TENM4: variants seen among roughly 807,000 people sequenced by gnomAD.
TENM4 encodes teneurin transmembrane protein 4, also known as teneurin-4.
Under a neutral mutation model 243.3 loss-of-function variants are expected in TENM4, and 82 were observed. The ratio of observed to expected loss-of-function variants is 0.34; its 90% CI spans 0.28 to 0.40. TENM4 has a LOEUF of 0.40. Among genes scored for constraint, TENM4 ranks in the 10% least tolerant of loss-of-function variants. The pLI, the probability that TENM4 is intolerant of heterozygous loss-of-function variation, is 1.00. For synonymous variants in TENM4, 1,412 were observed against 1,456.3 expected (o/e 0.97, Z 0.69); for missense variants, 3,138 against 3,673.3 (o/e 0.85, Z 3.77).
intron 6 of TENM4, among the ~76,000 whole-genome samples, chr11:78,954,196 G>A (rs1857162898): frequency 1.3e-5 from 2 of 152,200 alleles, no homozygotes; most frequent in South Asian, 4.1e-4. Context: ...TGATGACAGG[G>A]GCAGAGGGCA....
chr11:78,965,679 GTCCCTGTCTCT>G (rs1857424893), intron 6 of TENM4, among the ~76,000 whole-genome samples: 2 of 152,190 alleles, frequency 1.3e-5, no homozygotes, highest in Admixed American at 1.3e-4. Flanking sequence ...CCCAGGCCTC[GTCCCTGTCTCT>G]TCTTTCTCCT....
chr11:78,713,135 A>G (rs1258069267), intron 25 of TENM4, among the ~76,000 whole-genome samples: 4 of 152,208 alleles, frequency 2.6e-5, no homozygotes, highest in Non-Finnish European at 4.4e-5. Context: ...TCAAGAGTTC[A>G]AAAACACAAG....
intron 1 of TENM4, among the ~76,000 whole-genome samples, chr11:79,349,561 G>A (rs1177952144): frequency 6.6e-6 from 1 of 152,130 alleles, no homozygotes; most frequent in African/African-American, 2.4e-5. Flanking sequence ...AGGTGCCAGA[G>A]GTTTTGCAGT....
intron 2 of TENM4, among the ~76,000 whole-genome samples, chr11:79,265,324 G>A (rs909220181): frequency 1.3e-5 from 2 of 152,134 alleles, no homozygotes; most frequent in African/African-American, 4.8e-5. Context: ...AAGACTTTAG[G>A]AGTCTAGGCC....
chr11:79,134,370 T>A (rs967166894), intron 4 of TENM4, among the ~76,000 whole-genome samples: 2 of 152,152 alleles, frequency 1.3e-5, no homozygotes, highest in African/African-American at 4.8e-5. Flanking sequence ...TGGAAACACA[T>A]TCCATGCTCA....
At chr11:79,439,573 C>T (rs1209353120) in intron 1 of TENM4, among the ~76,000 whole-genome samples, 2 of 151,834 alleles carry the variant, frequency 1.3e-5, no homozygotes, top group Non-Finnish European at 2.9e-5. Context: ...CTAACTCGCC[C>T]GACCCCCCCG....
intron 1 of TENM4, among the ~76,000 whole-genome samples, chr11:79,423,554 T>C (rs1039257775): frequency 2.3e-4 from 32 of 139,964 alleles, no homozygotes; most frequent in African/African-American, 8.3e-4. Context: ...TTTTTTTTTT[T>C]TTTTGCAAGG....
chr11:78,800,612 G>A (rs116037893), intron 15 of TENM4, among the ~76,000 whole-genome samples: 1,637 of 152,184 alleles, frequency 0.011, 28 homozygotes, highest in African/African-American at 0.037. Flanking sequence ...TTTCCAGGGG[G>A]CTCTTTTTCT....
At chr11:79,293,757 G>GA (rs375782402) in intron 2 of TENM4, among the ~76,000 whole-genome samples, 96 of 152,318 alleles carry the variant, frequency 6.3e-4, no homozygotes, top group African/African-American at 2.2e-3. Flanking sequence ...GCAGGACTCT[G>GA]ATGCTCAATG....
At chr11:78,846,017 ATC>A (rs1858384863) in intron 12 of TENM4, among the ~76,000 whole-genome samples, 1 of 152,170 alleles carries the variant, frequency 6.6e-6, no homozygotes, top group East Asian at 1.9e-4. Flanking sequence ...CTAAGACCCT[ATC>A]TGTCTTGCTG....
intron 1 of TENM4, among the ~76,000 whole-genome samples, chr11:79,315,626 A>C (rs997486518): frequency 1.3e-5 from 2 of 152,188 alleles, no homozygotes; most frequent in Non-Finnish European, 2.9e-5. Context: ...GACATGCAGA[A>C]TCGTGGGTCC....
intron 6 of TENM4, among the ~76,000 whole-genome samples, chr11:78,926,546 A>G (rs1565129206): frequency 6.6e-6 from 1 of 152,164 alleles, no homozygotes; most frequent in Non-Finnish European, 1.5e-5. Flanking sequence ...TGATGGGATT[A>G]CAGGCATGAA....
chr11:78,932,152 G>A (rs752674318), intron 6 of TENM4, among the ~76,000 whole-genome samples: 2 of 152,242 alleles, frequency 1.3e-5, no homozygotes, highest in Non-Finnish European at 2.9e-5. Context: ...GGCATTGCTA[G>A]AGGACGTTCT....
At chr11:78,864,947 G>T (rs113156243) in intron 9 of TENM4, among the ~76,000 whole-genome samples, 2,376 of 152,254 alleles carry the variant, frequency 0.016, 43 homozygotes, top group African/African-American at 0.053. Flanking sequence ...GACCCGCTAG[G>T]GGGGCTAGAA....
chr11:78,922,891 A>C (rs1856475961), intron 6 of TENM4, among the ~76,000 whole-genome samples: 1 of 152,216 alleles, frequency 6.6e-6, no homozygotes, highest in African/African-American at 2.4e-5. Context: ...GCCTCCAGCC[A>C]GTGCTCAAGA....
intron 1 of TENM4, among the ~76,000 whole-genome samples, chr11:79,435,020 A>G (rs2135621385): frequency 6.6e-6 from 1 of 152,312 alleles, no homozygotes; most frequent in Admixed American, 6.5e-5. Context: ...CCGTAGGAGG[A>G]AAAGAGAGCA....
intron 1 of TENM4, among the ~76,000 whole-genome samples, chr11:79,432,944 T>C (rs1343705011): frequency 1.3e-5 from 2 of 152,176 alleles, no homozygotes; most frequent in African/African-American, 4.8e-5. Flanking sequence ...CAGAAAGCAT[T>C]GAGTATGTGT....
At chr11:78,873,811 C>T (rs1859196454) in intron 9 of TENM4, among the ~76,000 whole-genome samples, 1 of 152,130 alleles carries the variant, frequency 6.6e-6, no homozygotes, top group African/African-American at 2.4e-5. Flanking sequence ...CTACTTCTGC[C>T]TGCTCAGGAG....
At chr11:79,409,083 TGTGTGTGTGTGTGTGTGTGCGC>T (rs1462739656) in intron 1 of TENM4, among the ~76,000 whole-genome samples, 3 of 117,874 alleles carry the variant, frequency 2.5e-5, no homozygotes, top group South Asian at 3.0e-4. Context: ...TGTGTGTGTG[TGTGTGTGTGTGTGTGTGTGCGC>T]GCGCGCGCGT....
Sources: allele counts gnomAD v4.1 joint callset (sites outside exome capture counted in the v4.1 genomes callset), GRCh38; gene constraint gnomAD v4.1.1; transcripts MANE v1.5; gene names NCBI Gene and HGNC (gene_info 2026-07-23, HGNC 2026-07-21).